The following MMADHC variants were observed in gnomAD, a reference collection of about 807,000 sequenced individuals.
MMADHC encodes metabolism of cobalamin associated D, also known as cobalamin trafficking protein CblD.
A neutral mutation model predicts 36.3 loss-of-function variants in MMADHC; 23 were observed. The observed-to-expected ratio is 0.63, with a 90% CI of 0.46 to 0.90. The LOEUF (loss-of-function observed/expected upper bound fraction) is 0.90, where lower values mean the gene tolerates loss of function less well. MMADHC is among the 40% of genes least tolerant of loss of function. The pLI, the probability that MMADHC is intolerant of heterozygous loss-of-function variation, is 0.00. For missense variants in MMADHC, 330 were observed against 348.0 expected (o/e 0.95, Z 0.41); for synonymous variants, 97 against 116.1 (o/e 0.84, Z 1.06).
chr2:149,574,348 T>C (rs184317537), intron 6 of MMADHC, among the ~76,000 whole-genome samples: 258 of 152,342 alleles, frequency 1.7e-3, no homozygotes, highest in Non-Finnish European at 2.8e-3. Context: ...ATGCTTGTGA[T>C]TGTTAAAAAC....
At chr2:149,575,409 G>A (rs1378459169) in intron 6 of MMADHC, among the ~76,000 whole-genome samples, 3 of 151,748 alleles carry the variant, frequency 2.0e-5, no homozygotes, top group Non-Finnish European at 4.4e-5. Context: ...GAGAAGGAGA[G>A]GGAGGGGGAG....
chr2:149,571,005 T>G (rs1477640967), intron 7 of MMADHC, 80 bp downstream of exon 7: 1 of 1,172,910 alleles, frequency 8.5e-7, no homozygotes, highest in East Asian at 2.4e-5. Flanking sequence ...TCTTAATCTA[T>G]TACCAAAGTT....
chr2:149,569,751 C>A lies in MMADHC; in HGVS notation c.*223G>T. 1 of 427,300 alleles carries A rather than the reference C, an allele frequency of 2.3e-6. No homozygotes were observed. The highest frequency in any genetic ancestry group is 4.2e-6 in the Non-Finnish European group (1 of 236,924). 26.5% of individuals were successfully genotyped at this position (427,300 alleles called of 1,614,324 possible). A position where few individuals can be genotyped will look rare whatever the true frequency, so the allele number is the denominator to read the frequency against. On this transcript the variant is annotated 3_prime_UTR_variant, in exon 8 of 8. Coordinates refer to ENST00000303319, the MANE Select transcript of MMADHC (RefSeq NM_015702.3). ...CATACCCTGGTTACAAGCTAATTAC[C>A]ACATCCTATACAATGTGGATGTGTT...
At chr2:149,587,499 C>CAA (rs1682891492) in intron 1 of MMADHC, 165 bp downstream of exon 1, 1 of 274,320 alleles carries the variant, frequency 3.6e-6, no homozygotes, top group Non-Finnish European at 7.0e-6. Context: ...AGCAAAGCTT[C>CAA]AGGCTGATCG....
In MMADHC at chr2:149,587,707, C is replaced by G. The variant is rs746483103; in HGVS notation, c.-96G>C. 1 of 152,760 alleles carries G rather than the reference C, an allele frequency of 6.5e-6. No individual in the cohort carries two copies. Among genetic ancestry groups the G allele is most frequent in the African/African-American group, 2.4e-5 (1 of 41,470 alleles). The allele number at this position is 152,760 out of a possible 1,614,324, so 9.5% of individuals were successfully genotyped here. ...CCAGCTGTCCCAGAACCGGACTCTT[C>G]CTGCCATCAAAATGGCGGCGGCGAC... On this transcript the variant is annotated 5_prime_UTR_variant, in exon 1 of 8. Transcript: ENST00000303319.
In MMADHC at chr2:149,576,482, T is replaced by A. The variant is rs1431992617; in HGVS notation, c.433A>T (p.Arg145Ter). 2.5e-6 allele frequency: 4 copies of A among 1,613,594 alleles called. No homozygotes were observed. The African/African-American group carries it at 5.3e-5, about 22-fold the overall frequency. The change falls in exon 5 of 8, where the codon AGA becomes TGA. Residue 145 changes from arginine (R) to a stop codon, truncating the protein, a stop_gained. Coordinates refer to ENST00000303319, the MANE Select transcript of MMADHC (RefSeq NM_015702.3). LOFTEE classifies it high-confidence loss of function. ...CATGTCTGTATTGCACACTCTACTC[T>A]GGCACTTTCAAAGTAAGTTTCTGCA... ...NSAETYFESA[R>*]VECAIQTCPE...
At position 149,570,041 on chromosome 2, in the gene MMADHC, AC is replaced by A; in HGVS notation, c.823del (p.Val275LeufsTer2). On this transcript the variant is annotated frameshift_variant, in exon 8 of 8. Coordinates refer to ENST00000303319, the MANE Select transcript of MMADHC (RefSeq NM_015702.3). LOFTEE classifies it high-confidence loss of function. ...IRHSLWGTHV[V>X]VGSIFTNATP... The stretch of plus-strand genomic sequence containing the variant: ...TGCATTAGTGAAGATACTCCCTACA[AC>A]TACATGGGTACCCCAGAGACTATGA... The A allele has an allele frequency of 6.2e-7, 1 of 1,613,774 alleles. No individual in the cohort carries two copies. The highest frequency in any genetic ancestry group is 8.5e-7 in the Non-Finnish European group (1 of 1,179,746).
intron 4 of MMADHC, among the ~76,000 whole-genome samples, chr2:149,578,972 T>A (rs1682755738): frequency 6.7e-6 from 1 of 149,426 alleles, no homozygotes; most frequent in Non-Finnish European, 1.5e-5. Context: ...AAAATAAACT[T>A]ATGAAACTGG....
At chr2:149,580,860 T>C (rs79091630) in intron 3 of MMADHC, among the ~76,000 whole-genome samples, 9,350 of 152,298 alleles carry the variant, frequency 0.061, 375 homozygotes, top group Non-Finnish European at 0.095. Context: ...GGGATCTAGT[T>C]TAAATGCAGA....
At chr2:149,582,900 T>A (rs1682814414) in intron 2 of MMADHC, among the ~76,000 whole-genome samples, 1 of 152,140 alleles carries the variant, frequency 6.6e-6, no homozygotes, top group South Asian at 2.1e-4. Flanking sequence ...TTCATAAATT[T>A]TTTAACAAAG....
At chr2:149,577,140 G>A (rs1000732087) in intron 4 of MMADHC, among the ~76,000 whole-genome samples, 2 of 152,200 alleles carry the variant, frequency 1.3e-5, no homozygotes, top group South Asian at 2.1e-4. Flanking sequence ...AATATGACAA[G>A]TGCTACAGAG....
At chr2:149,578,545 G>T (rs1360501104) in intron 4 of MMADHC, among the ~76,000 whole-genome samples, 1 of 152,086 alleles carries the variant, frequency 6.6e-6, no homozygotes, top group African/African-American at 2.4e-5. Flanking sequence ...TAAAAACATA[G>T]ACTGTGGAGG....
At position 149,587,149 on chromosome 2, in the gene MMADHC, TC is replaced by T; in HGVS notation, c.-52-1del. 1 of 1,585,928 alleles carries T rather than the reference TC, an allele frequency of 6.3e-7. No individual in the cohort carries two copies. The highest frequency in any genetic ancestry group is 1.7e-5 in the Admixed American group (1 of 59,992). ...ATAGCTTTCCTTTGGTAAAGTTATT[TC>T]TGGGAAAGAACACAACAAAACAGAC... On this transcript the variant is annotated splice_acceptor_variant, in intron 1 of 7. Coordinates refer to ENST00000303319, the MANE Select transcript of MMADHC (RefSeq NM_015702.3). LOFTEE classifies it low-confidence loss of function (5UTR_SPLICE).
chr2:149,573,619 A>G (rs1462366945), intron 6 of MMADHC, among the ~76,000 whole-genome samples: 2 of 152,224 alleles, frequency 1.3e-5, no homozygotes, highest in Non-Finnish European at 2.9e-5. Context: ...ATACTTTCTT[A>G]TAAACTAACA....
At chr2:149,574,614 A>C (rs746873356) in intron 6 of MMADHC, among the ~76,000 whole-genome samples, 2 of 152,182 alleles carry the variant, frequency 1.3e-5, no homozygotes, top group Non-Finnish European at 2.9e-5. Flanking sequence ...TATATACTAG[A>C]ACAGTCTTTT....
At chr2:149,572,560 T>G (rs991646708) in intron 6 of MMADHC, among the ~76,000 whole-genome samples, 1 of 152,118 alleles carries the variant, frequency 6.6e-6, no homozygotes, top group African/African-American at 2.4e-5. Context: ...GACATTTGCC[T>G]GTCACAGGGC....
chr2:149,576,982 T>A (rs934062754), intron 4 of MMADHC, among the ~76,000 whole-genome samples: 2 of 152,178 alleles, frequency 1.3e-5, no homozygotes, highest in Admixed American at 1.3e-4. Context: ...GCTTAGAGGC[T>A]TTTATTCAAC....
chr2:149,582,597 T>A (rs1417136407), intron 2 of MMADHC, among the ~76,000 whole-genome samples: 1 of 152,142 alleles, frequency 6.6e-6, no homozygotes, highest in Non-Finnish European at 1.5e-5. Flanking sequence ...GTAGCACAAC[T>A]AACAAGATTC....
intron 6 of MMADHC, among the ~76,000 whole-genome samples, chr2:149,575,334 T>C (rs1402422917): frequency 2.6e-5 from 4 of 150,986 alleles, no homozygotes; most frequent in Non-Finnish European, 4.4e-5. Context: ...TATTTTGACA[T>C]GTTCTAAGCC....
Sources: gnomAD v4.1 joint callset for allele counts (sites outside exome capture counted in the v4.1 genomes callset) on GRCh38, gnomAD v4.1.1 for gene constraint, MANE v1.5 for transcripts, NCBI Gene and HGNC (gene_info 2026-07-23, HGNC 2026-07-21) for gene names.